AAR2: variants seen among roughly 807,000 people sequenced by gnomAD.
The protein encoded by AAR2 is protein AAR2 homolog.
In AAR2, 31 loss-of-function variants were observed where a neutral mutation model predicts 26.9. That is an observed-to-expected ratio of 1.15 (90% CI 0.86 to 1.55). AAR2 has a LOEUF of 1.55. Ranked by LOEUF, AAR2 falls within the 40% of genes most tolerant of loss-of-function variation. The pLI is 0.00. For synonymous variants in AAR2, 188 were observed against 196.1 expected (o/e 0.96, Z 0.34); for missense variants, 430 against 491.3 (o/e 0.88, Z 1.18).
chr20:36,255,562 C>G lies in AAR2; in HGVS notation c.988-16C>G, dbSNP rs2064813203. 1 of 1,613,848 alleles carries G rather than the reference C, an allele frequency of 6.2e-7. No homozygotes were observed. Among genetic ancestry groups the G allele is most frequent in the Admixed American group, 1.7e-5 (1 of 59,996 alleles). On this transcript the variant is annotated splice_polypyrimidine_tract_variant and intron_variant, in intron 3 of 3. Coordinates refer to ENST00000320849, the MANE Select transcript of AAR2 (RefSeq NM_001271874.2). ...CTCCGTCTTCTCAGGAGTGACTTAT[C>G]CTCTGTTCTCTGTAGGTTTTCTTTT...
chr20:36,249,506 T>G (rs2064765018), intron 3 of AAR2, among the ~76,000 whole-genome samples: 1 of 152,234 alleles, frequency 6.6e-6, no homozygotes, highest in South Asian at 2.1e-4. Context: ...TCCAACTTCC[T>G]TTGTTGCTAG....
intron 2 of AAR2, among the ~76,000 whole-genome samples, chr20:36,243,791 A>C (rs1266241136): frequency 6.6e-6 from 1 of 152,216 alleles, no homozygotes; most frequent in Admixed American, 6.5e-5. Flanking sequence ...ACCCTCAAAT[A>C]AGGAAATTGA....
Position 36,255,605 on chromosome 20 carries a change from G to T in AAR2, c.1015G>T (p.Ala339Ser). The change falls in exon 4 of 4, where the codon GCC (alanine) becomes TCC (serine). Residue 339 changes from alanine (A) to serine (S), a missense_variant. Transcript: ENST00000320849. ...QVFFSSACSI[A>S]VDATLRKKAE... ...TTTCTTTTCCTCTGCCTGCAGCATT[G>T]CCGTGGATGCCACCCTGAGAAAGAA... 1 of 1,614,168 alleles carries T rather than the reference G, an allele frequency of 6.2e-7. No individual in the cohort carries two copies. The highest frequency in any genetic ancestry group is 1.1e-5 in the South Asian group (1 of 91,078).
At chr20:36,251,844 T>C (rs115449599) in intron 3 of AAR2, among the ~76,000 whole-genome samples, 2,780 of 152,312 alleles carry the variant, frequency 0.018, 93 homozygotes, top group African/African-American at 0.064. Context: ...AGAGGTGCTT[T>C]GGGAGGATGG....
chr20:36,238,681 G>A lies in AAR2; in HGVS notation c.-48-1140G>A, dbSNP rs180762793. 3.9e-4 allele frequency among the ~76,000 whole-genome samples: 59 copies of A among 151,662 alleles called. No individual in the cohort carries two copies. In the East Asian group the frequency reaches 9.3e-3, roughly 24 times the overall value. On this transcript the variant is annotated intron_variant, in intron 1 of 3. Transcript: ENST00000320849. ...TGAGGCACAAGAATTGCTTGAACCCGGGAGGTGGACGATGTAGTGAGCCGA... is the reference window on the plus strand; with the variant it reads ...TGAGGCACAAGAATTGCTTGAACCCAGGAGGTGGACGATGTAGTGAGCCGA...
intron 3 of AAR2, among the ~76,000 whole-genome samples, chr20:36,248,475 A>G (rs2064755633): frequency 6.6e-6 from 1 of 151,906 alleles, no homozygotes; most frequent in African/African-American, 2.4e-5. Context: ...AGCTGGGATT[A>G]CAGGTGTGCA....
intron 3 of AAR2, among the ~76,000 whole-genome samples, chr20:36,250,430 A>G (rs1040381306): frequency 2.0e-5 from 3 of 152,258 alleles, no homozygotes; most frequent in African/African-American, 7.2e-5. Flanking sequence ...TTAGTGAATA[A>G]AATAACTAGA....
At chr20:36,245,016 C>A in intron 3 of AAR2, 90 bp downstream of exon 3, 1 of 1,219,682 alleles carries the variant, frequency 8.2e-7, no homozygotes, top group South Asian at 1.3e-5. Context: ...CTTCCATGAC[C>A]CCAAAATTTT....
chr20:36,242,083 T>C (rs536821225), intron 2 of AAR2, among the ~76,000 whole-genome samples: 13 of 152,098 alleles, frequency 8.5e-5, no homozygotes, highest in African/African-American at 2.9e-4. Flanking sequence ...TTATAAATTT[T>C]CCAGGTAATT....
intron 3 of AAR2, among the ~76,000 whole-genome samples, chr20:36,245,993 C>T (rs1473717031): frequency 6.6e-6 from 1 of 152,196 alleles, no homozygotes; most frequent in Non-Finnish European, 1.5e-5. Flanking sequence ...CCACTGCACT[C>T]CAGCCTGGGC....
intron 2 of AAR2, among the ~76,000 whole-genome samples, chr20:36,244,265 G>T (rs912323352): frequency 2.7e-4 from 41 of 152,162 alleles, no homozygotes; most frequent in African/African-American, 7.2e-4. Flanking sequence ...CTACAGATAC[G>T]AAGGCCCCAT....
chr20:36,238,210 A>G (rs2064638082), intron 1 of AAR2, among the ~76,000 whole-genome samples: 2 of 152,212 alleles, frequency 1.3e-5, no homozygotes, highest in Non-Finnish European at 2.9e-5. Context: ...AACAGTACTT[A>G]GCTTTACTAC....
Position 36,255,696 on chromosome 20 carries a change from A to G in AAR2, c.1106A>G (p.Asp369Gly), listed in dbSNP as rs2064815086. ...TGGGACTTTGCTGCGGAACCTGAGG[A>G]CTGTGCCCCGGTGGTGGTGGAGCTC... ...FRWDFAAEPE[D>G]CAPVVVELPE... is the part of the protein sequence containing the mutation. The change falls in exon 4 of 4, where the codon GAC (aspartate) becomes GGC (glycine). Residue 369 changes from aspartate (D) to glycine (G), a missense_variant. Transcript: ENST00000320849. The G allele has an allele frequency of 6.2e-7, 1 of 1,613,962 alleles. No homozygotes were observed. The highest frequency in any genetic ancestry group is 1.1e-5 in the South Asian group (1 of 91,060).
Position 36,256,415 on chromosome 20 carries a change from G to C in AAR2, c.*670G>C, listed in dbSNP as rs1464265733. 6.6e-6 allele frequency: 1 copy of C among 152,240 alleles called. No individual in the cohort carries two copies. Among genetic ancestry groups the C allele is most frequent in the Non-Finnish European group, 1.5e-5 (1 of 68,072 alleles). 9.4% of individuals were successfully genotyped at this position (152,240 alleles called of 1,614,324 possible). ...ATCTCCCAAGGTGGGTGTGGACCCT[G>C]GCCTCAGAGGCCTTGCTGGTGCTGT... On this transcript the variant is annotated 3_prime_UTR_variant, in exon 4 of 4. Transcript: ENST00000320849.
In AAR2 at chr20:36,240,113, A is replaced by C. The variant is rs1002180324; in HGVS notation, c.245A>C (p.His82Pro). 1 of 1,614,208 alleles carries C rather than the reference A, an allele frequency of 6.2e-7. No individual in the cohort carries two copies. The highest frequency in any genetic ancestry group is 1.7e-5 in the Admixed American group (1 of 60,024). ...GPRMGFFLSLHQRGLTVLRWS... is the reference protein window; with the variant it reads ...GPRMGFFLSLPQRGLTVLRWS... ...CGTATGGGTTTCTTCCTTAGCCTGC[A>C]CCAGCGGGGGCTGACAGTGCTGCGC... Residue 82 changes from histidine (H) to proline (P), a missense_variant, in exon 2 of 4, where the codon CAC becomes CCC. Physicochemically the swap from His to Pro is moderately conservative, Grantham distance 77. Transcript: ENST00000320849.
chr20:36,242,143 C>CTTTTT (rs11333425), intron 2 of AAR2, among the ~76,000 whole-genome samples: 1 of 102,048 alleles, frequency 9.8e-6, no homozygotes, highest in Non-Finnish European at 1.9e-5. Context: ...TGTAGGACTT[C>CTTTTT]TTTTTTTTTT....
Position 36,255,837 on chromosome 20 carries a change from A to G in AAR2, c.*92A>G. 1 of 1,483,088 alleles carries G rather than the reference A, an allele frequency of 6.7e-7. No individual in the cohort carries two copies. The highest frequency in any genetic ancestry group is 1.3e-5 in the South Asian group (1 of 77,720). The allele number at this position is 1,483,088 out of a possible 1,614,324, so 91.9% of individuals were successfully genotyped here. A position where few individuals can be genotyped will look rare whatever the true frequency, so the allele number is the denominator to read the frequency against. ...ACTTCTTCCCATCCTGGGACCTGCC[A>G]GGGCAGCAATCTCTCCAGGTCCTGC... On this transcript the variant is annotated 3_prime_UTR_variant, in exon 4 of 4. Coordinates refer to ENST00000320849, the MANE Select transcript of AAR2 (RefSeq NM_001271874.2).
chr20:36,245,664 A>G (rs1356584049), intron 3 of AAR2, among the ~76,000 whole-genome samples: 1 of 152,160 alleles, frequency 6.6e-6, no homozygotes, highest in Non-Finnish European at 1.5e-5. Context: ...GGCCTGCTCC[A>G]TATAAGGCAG....
chr20:36,248,897 T>A (rs75727429), intron 3 of AAR2, among the ~76,000 whole-genome samples: 2 of 151,770 alleles, frequency 1.3e-5, no homozygotes, highest in Non-Finnish European at 2.9e-5. Flanking sequence ...TTTTTTTTTT[T>A]AATGGAGAGT....
Sources: gnomAD v4.1 joint callset for allele counts (sites outside exome capture counted in the v4.1 genomes callset) on GRCh38, gnomAD v4.1.1 for gene constraint, MANE v1.5 for transcripts, NCBI Gene and HGNC (gene_info 2026-07-23, HGNC 2026-07-21) for gene names.